Variants in FAM107B observed in about 807,000 individuals in gnomAD.
The protein encoded by FAM107B is family with sequence similarity 107 member B, also known as protein FAM107B.
FAM107B carries 21 observed loss-of-function variants against 31.5 expected under a neutral mutation model. The observed-to-expected ratio is 0.67, with a 90% confidence interval of 0.47 to 0.96. FAM107B has a LOEUF of 0.96. FAM107B is among the 40% of genes least tolerant of loss of function. The probability of loss-of-function intolerance (pLI) is 0.00; values close to 1 mark genes in which losing one functional copy is unlikely to be tolerated. For synonymous variants in FAM107B, 157 were observed against 141.5 expected (o/e 1.11, Z -0.78); for missense variants, 452 against 377.1 (o/e 1.20, Z -1.64).
chr10:14,621,925 C>G (rs1853021356), intron 2 of FAM107B, among the ~76,000 whole-genome samples: 1 of 152,202 alleles, frequency 6.6e-6, no homozygotes, highest in Non-Finnish European at 1.5e-5. Context: ...TCAATGAACA[C>G]TAACAATAAA....
intron 1 of FAM107B, among the ~76,000 whole-genome samples, chr10:14,750,772 T>C (rs539511747): frequency 2.0e-4 from 30 of 152,190 alleles, no homozygotes; most frequent in Non-Finnish European, 3.8e-4. Context: ...CACAGTGAGA[T>C]GCTGTCTCTA....
At chr10:14,685,137 C>CTTTTATT (rs1564625124) in intron 1 of FAM107B, among the ~76,000 whole-genome samples, 17 of 146,402 alleles carry the variant, frequency 1.2e-4, no homozygotes, top group Admixed American at 1.4e-4. Context: ...CAATAACATC[C>CTTTTATT]TTTTATTTTT....
At chr10:14,628,701 T>G (rs1178260852) in intron 2 of FAM107B, among the ~76,000 whole-genome samples, 1 of 152,218 alleles carries the variant, frequency 6.6e-6, no homozygotes, top group Admixed American at 6.5e-5. Flanking sequence ...GGGAATAGTT[T>G]TGTGCATGAT....
chr10:14,763,725 G>A (rs1057249257), intron 1 of FAM107B, among the ~76,000 whole-genome samples: 4 of 152,170 alleles, frequency 2.6e-5, no homozygotes, highest in African/African-American at 9.7e-5. Flanking sequence ...CTAAGCCACT[G>A]GTGACCTTGT....
chr10:14,753,202 G>A (rs1486593580), intron 1 of FAM107B, among the ~76,000 whole-genome samples: 2 of 152,134 alleles, frequency 1.3e-5, no homozygotes, highest in African/African-American at 2.4e-5. Context: ...GAGCACACAC[G>A]CATGTTCACA....
intron 2 of FAM107B, among the ~76,000 whole-genome samples, chr10:14,577,329 GGAGA>G (rs1457985321): frequency 6.6e-6 from 1 of 152,110 alleles, no homozygotes; most frequent in Non-Finnish European, 1.5e-5. Context: ...GGGGCCCAAT[GGAGA>G]AAGAATCATG....
chr10:14,703,405 C>T (rs1855448822), intron 1 of FAM107B, among the ~76,000 whole-genome samples: 1 of 151,140 alleles, frequency 6.6e-6, no homozygotes, highest in Non-Finnish European at 1.5e-5. Context: ...CTTGTGATCC[C>T]GGCTCACTGC....
chr10:14,735,091 G>A (rs556397333), intron 1 of FAM107B, among the ~76,000 whole-genome samples: 46 of 152,120 alleles, frequency 3.0e-4, no homozygotes, highest in African/African-American at 8.2e-4. Flanking sequence ...GTCATAATTC[G>A]GTGTCCATTC....
At chr10:14,663,887 CAAAAAAAAAAA>C (rs3035297) in intron 2 of FAM107B, among the ~76,000 whole-genome samples, 37 of 80,390 alleles carry the variant, frequency 4.6e-4, no homozygotes, top group African/African-American at 1.8e-3. Flanking sequence ...GATCATCAGC[CAAAAAAAAAAA>C]AAAAAAAAAA....
chr10:14,707,100 TGGG>T (rs1855538053), intron 1 of FAM107B, among the ~76,000 whole-genome samples: 1 of 151,622 alleles, frequency 6.6e-6, no homozygotes, highest in Non-Finnish European at 1.5e-5. Context: ...TACTCCAGCC[TGGG>T]CGACAGAGCA....
At chr10:14,618,980 A>G (rs1852924684) in intron 2 of FAM107B, among the ~76,000 whole-genome samples, 2 of 152,194 alleles carry the variant, frequency 1.3e-5, no homozygotes, top group Non-Finnish European at 2.9e-5. Flanking sequence ...TTGTGACAAC[A>G]GGGGCAGAGA....
At chr10:14,650,124 C>T (rs573796130) in intron 2 of FAM107B, among the ~76,000 whole-genome samples, 1 of 152,216 alleles carries the variant, frequency 6.6e-6, no homozygotes, top group Non-Finnish European at 1.5e-5. Context: ...GTCAATGCTA[C>T]ATTTGAGGTC....
chr10:14,634,399 CAAAA>C lies in FAM107B; in HGVS notation c.469+33231_469+33234del, dbSNP rs59139195. On this transcript the variant is annotated intron_variant, in intron 2 of 4. Transcript: ENST00000181796. ...TGGACCACAGAGCGAGACTCTGTCT[CAAAA>C]AAAAAAAAAAAAAAATTCAAAATAT... is the stretch of plus-strand genomic sequence containing the variant. 3.0e-3 allele frequency among the ~76,000 whole-genome samples: 348 copies of C among 116,640 alleles called. 2 individuals carry two copies. Among genetic ancestry groups the C allele is most frequent in the African/African-American group, 0.011 (334 of 31,632 alleles). 76.5% of individuals were successfully genotyped at this position (116,640 alleles called of 152,430 possible). A position where few individuals can be genotyped will look rare whatever the true frequency, so the allele number is the denominator to read the frequency against.
chr10:14,634,436 G>C (rs543539462), intron 2 of FAM107B, among the ~76,000 whole-genome samples: 5 of 151,872 alleles, frequency 3.3e-5, no homozygotes, highest in Non-Finnish European at 7.4e-5. Flanking sequence ...TATATGCTTG[G>C]TGTCCACATT....
intron 2 of FAM107B, among the ~76,000 whole-genome samples, chr10:14,554,559 G>A (rs956803655): frequency 2.6e-5 from 4 of 152,188 alleles, no homozygotes; most frequent in African/African-American, 9.7e-5. Context: ...GTTGAGACTT[G>A]GGGATCTGGT....
intron 1 of FAM107B, among the ~76,000 whole-genome samples, chr10:14,733,376 T>G (rs1856218702): frequency 6.6e-6 from 1 of 152,224 alleles, no homozygotes; most frequent in African/African-American, 2.4e-5. Context: ...CACTGAGATC[T>G]TTTGTTAACA....
intron 1 of FAM107B, among the ~76,000 whole-genome samples, chr10:14,694,372 G>A (rs987134993): frequency 3.3e-5 from 5 of 152,046 alleles, no homozygotes; most frequent in Non-Finnish European, 4.4e-5. Flanking sequence ...CACTCTCACC[G>A]ATATTTGTTA....
intron 1 of FAM107B, among the ~76,000 whole-genome samples, chr10:14,710,584 G>A (rs1177883685): frequency 6.6e-6 from 1 of 152,076 alleles, no homozygotes; most frequent in Non-Finnish European, 1.5e-5. Flanking sequence ...ATTCACAACA[G>A]TGGTCCCATA....
chr10:14,732,169 C>T (rs1042986718), intron 1 of FAM107B, among the ~76,000 whole-genome samples: 3 of 152,216 alleles, frequency 2.0e-5, no homozygotes, highest in Admixed American at 6.5e-5. Flanking sequence ...CTCAATCACA[C>T]TATTGATGTT....
Sources: allele counts gnomAD v4.1 joint callset (sites outside exome capture counted in the v4.1 genomes callset), GRCh38; gene constraint gnomAD v4.1.1; transcripts MANE v1.5; gene names NCBI Gene and HGNC (gene_info 2026-07-23, HGNC 2026-07-21).